Variants in IL2 observed in about 807,000 individuals in gnomAD.
IL2 encodes interleukin 2.
Under a neutral mutation model 14.6 loss-of-function variants are expected in IL2, and 3 were observed. The observed-to-expected ratio is 0.21, with a 90% confidence interval of 0.09 to 0.53. The LOEUF (loss-of-function observed/expected upper bound fraction) is 0.53. IL2 is among the 20% of genes least tolerant of loss of function. The pLI, the probability that IL2 is intolerant of heterozygous loss-of-function variation, is 0.95. For missense variants in IL2, 125 were observed against 170.8 expected (o/e 0.73, Z 1.50); for synonymous variants, 71 against 60.0 (o/e 1.18, Z -0.85).
At position 122,456,528 on chromosome 4, in the gene IL2, T is replaced by C; in HGVS notation, c.-88A>G. The C allele has an allele frequency of 9.8e-7, 1 of 1,015,640 alleles. No individual in the cohort carries two copies. Among genetic ancestry groups the C allele is most frequent in the Admixed American group, 2.4e-5 (1 of 40,890 alleles). The allele number at this position is 1,015,640 out of a possible 1,614,324, so 62.9% of individuals were successfully genotyped here. ...AAGAGATGCAATTTATACTGTTAAT[T>C]CTGGAAAAATATTATGGGGGTGTCA... On this transcript the variant is annotated 5_prime_UTR_variant, in exon 1 of 4. Transcript: ENST00000226730.
chr4:122,453,738 T>C lies in IL2; in HGVS notation c.323A>G (p.Asn108Ser), dbSNP rs772064424. Residue 108 changes from asparagine (N) to serine (S), a missense_variant, in exon 3 of 4, where the codon AAT becomes AGT. Physicochemically the swap from Asn to Ser is conservative, Grantham distance 46. Coordinates refer to ENST00000226730, the MANE Select transcript of IL2 (RefSeq NM_000586.4). ...TAGTTCCAGAACTATTACGTTGATA[T>C]TGCTGATTAAGTCCCTGGGTCTTAA... ...FHLRPRDLIS[N>S]INVIVLELKG... The C allele has an allele frequency of 2.5e-6, 4 of 1,610,990 alleles. No individual in the cohort carries two copies. The highest frequency in any genetic ancestry group is 1.3e-5 in the African/African-American group (1 of 74,738).
chr4:122,454,487 G>A (rs1261982988), intron 2 of IL2, among the ~76,000 whole-genome samples: 3 of 151,546 alleles, frequency 2.0e-5, no homozygotes, highest in African/African-American at 7.3e-5. Flanking sequence ...TTTTGGACAG[G>A]CCTCTTGATT....
At chr4:122,454,861 T>C (rs1038446886) in intron 2 of IL2, among the ~76,000 whole-genome samples, 5 of 151,768 alleles carry the variant, frequency 3.3e-5, no homozygotes, top group Non-Finnish European at 5.9e-5. Context: ...CCCTAAATTA[T>C]GCACATAATC....
intron 1 of IL2, 42 bp downstream of exon 1, chr4:122,456,252 T>G: frequency 6.3e-7 from 1 of 1,595,218 alleles, no homozygotes; most frequent in South Asian, 1.1e-5. Flanking sequence ...CCAGCTAGAT[T>G]ACTAAATGTA....
chr4:122,452,065 C>A (rs1233345011), intron 3 of IL2, among the ~76,000 whole-genome samples: 1 of 151,988 alleles, frequency 6.6e-6, no homozygotes, highest in African/African-American at 2.4e-5. Flanking sequence ...AACACAGAAG[C>A]TGAGATTTTC....
intron 2 of IL2, among the ~76,000 whole-genome samples, chr4:122,454,595 A>T (rs1214192881): frequency 6.6e-6 from 1 of 151,792 alleles, no homozygotes; most frequent in Non-Finnish European, 1.5e-5. Context: ...TCATCTTTTG[A>T]AGTAGGCAGT....
chr4:122,456,287 T>C lies in IL2; in HGVS notation c.147+7A>G. 1.2e-6 allele frequency: 2 copies of C among 1,604,016 alleles called. No homozygotes were observed. The highest frequency in any genetic ancestry group is 2.2e-5 in the East Asian group (1 of 44,718). ...AATAATTTTAGTAAGAAAGGAAATA[T>C]ACTTACATTAATTCCATTCAAAATC... On this transcript the variant is annotated splice_region_variant and intron_variant, in intron 1 of 3. Transcript: ENST00000226730.
intron 2 of IL2, 59 bp from the exon 3 acceptor site, chr4:122,453,912 T>G: frequency 6.9e-7 from 1 of 1,451,234 alleles, no homozygotes; most frequent in Non-Finnish European, 9.4e-7. Flanking sequence ...GAAATTAATT[T>G]CCAATTTATT....
chr4:122,453,929 G>A lies in IL2; in HGVS notation c.208-76C>T, dbSNP rs935204663. On this transcript the variant is annotated intron_variant, in intron 2 of 3. Transcript: ENST00000226730. ...AATTAATTTCCAATTTATTTTATTT[G>A]GAGTAGCAGTATGTAGTTTTTACCA... 5.4e-6 allele frequency: 7 copies of A among 1,299,378 alleles called. No homozygotes were observed. In the African/African-American group the frequency reaches 1.0e-4, roughly 19 times the overall value. The allele number at this position is 1,299,378 out of a possible 1,614,324, so 80.5% of individuals were successfully genotyped here.
At chr4:122,454,286 C>T (rs1797706849) in intron 2 of IL2, among the ~76,000 whole-genome samples, 1 of 151,752 alleles carries the variant, frequency 6.6e-6, no homozygotes, top group Non-Finnish European at 1.5e-5. Flanking sequence ...CTCTTGGATG[C>T]CATCTATCAC....
In IL2 at chr4:122,456,387, T is replaced by C. The variant is rs1310812139; in HGVS notation, c.54A>G (p.Thr18=). The change falls in exon 1 of 4, where the codon ACA becomes ACG. Residue 18 remains threonine (T), a synonymous_variant. Coordinates refer to ENST00000226730, the MANE Select transcript of IL2 (RefSeq NM_000586.4). ...TAGAACTTGAAGTAGGTGCACTGTT[T>C]GTGACAAGTGCAAGACTTAGTGCAA... The part of the protein sequence containing the change: ...SCIALSLALV[T]NSAPTSSSTK... 2.5e-6 allele frequency: 4 copies of C among 1,611,562 alleles called. No individual in the cohort carries two copies. The highest frequency in any genetic ancestry group is 3.3e-5 in the Admixed American group (2 of 59,830).
In IL2 at chr4:122,456,277, A is replaced by G. The variant is rs1797729096; in HGVS notation, c.147+17T>C. On this transcript the variant is annotated intron_variant, in intron 1 of 3. Coordinates refer to ENST00000226730, the MANE Select transcript of IL2 (RefSeq NM_000586.4). ...TACTAAATGTAATAATTTTAGTAAG[A>G]AAGGAAATATACTTACATTAATTCC... The G allele has an allele frequency of 1.2e-6, 2 of 1,600,630 alleles. No individual in the cohort carries two copies. Among genetic ancestry groups the G allele is most frequent in the South Asian group, 1.1e-5 (1 of 90,646 alleles).
intron 3 of IL2, among the ~76,000 whole-genome samples, chr4:122,453,410 G>A (rs1212310586): frequency 6.6e-6 from 1 of 151,802 alleles, no homozygotes; most frequent in African/African-American, 2.4e-5. Flanking sequence ...CCTGCTTTCT[G>A]TGAAACTCAA....
rs369900603 is a variant in IL2 at position 122,453,797 on chromosome 4, T to C, written c.264A>G (p.Glu88=). 2.1e-5 allele frequency: 34 copies of C among 1,611,582 alleles called. No homozygotes were observed. The East Asian group carries it at 6.7e-4, about 32-fold the overall frequency. ...TTTTGCTTTGAGCTAAATTTAGCAC[T>C]TCCTCCAGAGGTTTGAGTTCTTCTT... ...CLEEELKPLE[E]VLNLAQSKNF... is the part of the protein sequence containing the mutation. The change falls in exon 3 of 4, where the codon GAA becomes GAG. Residue 88 remains glutamate (E), a synonymous_variant. Transcript: ENST00000226730.
At chr4:122,455,528 C>A (rs1361610055) in intron 2 of IL2, among the ~76,000 whole-genome samples, 1 of 151,826 alleles carries the variant, frequency 6.6e-6, no homozygotes, top group East Asian at 1.9e-4. Context: ...TTACCTTATG[C>A]CAGACACGGT....
At chr4:122,453,218 GTTGT>G (rs1797693543) in intron 3 of IL2, among the ~76,000 whole-genome samples, 1 of 150,700 alleles carries the variant, frequency 6.6e-6, no homozygotes, top group Non-Finnish European at 1.5e-5. Context: ...TAAAAAGATT[GTTGT>G]TTGTTTAGTC....
Position 122,454,398 on chromosome 4 carries a change from T to C in IL2, c.208-545A>G, listed in dbSNP as rs1580834820. Among the ~76,000 whole-genome samples, 5 of 151,964 alleles carry C rather than the reference T, an allele frequency of 3.3e-5. No homozygotes were observed. In the East Asian group the frequency reaches 9.7e-4, roughly 29 times the overall value. On this transcript the variant is annotated intron_variant, in intron 2 of 3. Transcript: ENST00000226730. ...TTAAATATGTCTTAAATTTTTACTTTTCTACAATCACTACATTAAGATGCA... is the reference window on the plus strand; with the variant it reads ...TTAAATATGTCTTAAATTTTTACTTCTCTACAATCACTACATTAAGATGCA...
Position 122,456,200 on chromosome 4 carries a change from A to C in IL2, c.151T>G (p.Tyr51Asp). 1.2e-6 allele frequency: 2 copies of C among 1,608,894 alleles called. No individual in the cohort carries two copies. The highest frequency in any genetic ancestry group is 1.7e-6 in the Non-Finnish European group (2 of 1,175,908). ...ATCCTGGTGAGTTTGGGATTCTTGT[A>C]ATTCTAAGAAAGTATAATGCATTGT... is the stretch of plus-strand genomic sequence containing the variant. The part of the protein sequence containing the change: ...LQMILNGINN[Y>D]KNPKLTRMLT... Residue 51 changes from tyrosine (Y) to aspartate (D), a missense_variant, in exon 2 of 4, where the codon TAC becomes GAC. Physicochemically the swap from Tyr to Asp is radical, Grantham distance 160. Transcript: ENST00000226730.
chr4:122,451,905 T>C (rs1580833475), intron 3 of IL2, 43 bp from the exon 4 acceptor site: 2 of 935,542 alleles, frequency 2.1e-6, no homozygotes, highest in Non-Finnish European at 3.2e-6. Flanking sequence ...CAGAGTAGTT[T>C]ACCTTATATA....
Sources: gnomAD v4.1 joint callset for allele counts (sites outside exome capture counted in the v4.1 genomes callset) on GRCh38, gnomAD v4.1.1 for gene constraint, MANE v1.5 for transcripts, NCBI Gene and HGNC (gene_info 2026-07-23, HGNC 2026-07-21) for gene names.